The following PTPRG variants were observed in gnomAD, a reference collection of about 807,000 sequenced individuals.
The protein encoded by PTPRG is protein tyrosine phosphatase receptor type G.
In PTPRG, 102 loss-of-function variants were observed where a neutral mutation model predicts 165.3. The observed-to-expected ratio is 0.62, with a 90% confidence interval of 0.53 to 0.73. The LOEUF (loss-of-function observed/expected upper bound fraction) is 0.73. Ranked by LOEUF, PTPRG falls within the 30% of genes least tolerant of loss-of-function variation. PTPRG has a pLI of 0.00. For synonymous variants in PTPRG, 675 were observed against 669.5 expected, an observed-to-expected ratio of 1.01 and a Z score of -0.13; for missense variants, 1,866 against 1,861.4, an observed-to-expected ratio of 1.00 and a Z score of -0.05.
intron 9 of PTPRG, among the ~76,000 whole-genome samples, chr3:62,194,457 G>A (rs1699910295): frequency 6.6e-6 from 1 of 152,126 alleles, no homozygotes; most frequent in Non-Finnish European, 1.5e-5. Flanking sequence ...TTCTAGCCTG[G>A]TGTTCTTCCT....
intron 2 of PTPRG, among the ~76,000 whole-genome samples, chr3:61,784,874 C>T (rs1421744074): frequency 2.0e-5 from 3 of 152,082 alleles, no homozygotes; most frequent in African/African-American, 4.8e-5. Context: ...TCAAGAACAG[C>T]TTAATAGTCT....
chr3:62,127,782 A>G (rs540421163), intron 5 of PTPRG, among the ~76,000 whole-genome samples: 1 of 152,302 alleles, frequency 6.6e-6, no homozygotes, highest in South Asian at 2.1e-4. Flanking sequence ...GGCAGCACAT[A>G]TCTGAACGCA....
chr3:62,129,201 G>T (rs1321336870), intron 5 of PTPRG, among the ~76,000 whole-genome samples: 1 of 152,200 alleles, frequency 6.6e-6, no homozygotes, highest in East Asian at 1.9e-4. Flanking sequence ...ACATGGAGAA[G>T]CTGTAATCAG....
At chr3:61,772,780 G>A (rs1004793567) in intron 2 of PTPRG, among the ~76,000 whole-genome samples, 3 of 152,170 alleles carry the variant, frequency 2.0e-5, no homozygotes, top group Non-Finnish European at 4.4e-5. Flanking sequence ...CCAAAGCACT[G>A]CAGTATCTAT....
chr3:61,827,182 G>A (rs1454459992), intron 2 of PTPRG, among the ~76,000 whole-genome samples: 1 of 152,224 alleles, frequency 6.6e-6, no homozygotes, highest in African/African-American at 2.4e-5. Flanking sequence ...TAAGGGAGAT[G>A]TTGGGCCTAG....
At chr3:61,772,361 A>G (rs2034235722) in intron 2 of PTPRG, among the ~76,000 whole-genome samples, 1 of 152,040 alleles carries the variant, frequency 6.6e-6, no homozygotes, top group South Asian at 2.1e-4. Context: ...AAAATGTGTT[A>G]CAAATCAACC....
At chr3:62,069,530 T>C (rs984878084) in intron 4 of PTPRG, among the ~76,000 whole-genome samples, 2 of 152,090 alleles carry the variant, frequency 1.3e-5, no homozygotes, top group Non-Finnish European at 2.9e-5. Flanking sequence ...GGTTTTATAA[T>C]GTGATACACA....
At chr3:61,867,845 G>C (rs1176012480) in intron 2 of PTPRG, among the ~76,000 whole-genome samples, 1 of 152,164 alleles carries the variant, frequency 6.6e-6, no homozygotes, top group Non-Finnish European at 1.5e-5. Flanking sequence ...GGTGAGGGAA[G>C]CCTAGAGTCT....
chr3:61,997,320 C>T (rs1284407074), intron 3 of PTPRG, among the ~76,000 whole-genome samples: 5 of 152,300 alleles, frequency 3.3e-5, no homozygotes, highest in African/African-American at 1.2e-4. Flanking sequence ...CTGTCTGTCT[C>T]TCCCTCTTTG....
intron 4 of PTPRG, among the ~76,000 whole-genome samples, chr3:62,076,025 C>G (rs1490840694): frequency 6.6e-6 from 1 of 152,110 alleles, no homozygotes; most frequent in Non-Finnish European, 1.5e-5. Context: ...CATGTAATCT[C>G]AACACGTTGG....
intron 6 of PTPRG, among the ~76,000 whole-genome samples, chr3:62,151,832 C>G (rs1704347160): frequency 6.6e-6 from 1 of 152,082 alleles, no homozygotes; most frequent in African/African-American, 2.4e-5. Flanking sequence ...TTAACAAGCA[C>G]TATGCATGCT....
At chr3:62,010,692 C>A (rs1437115364) in intron 4 of PTPRG, among the ~76,000 whole-genome samples, 1 of 152,158 alleles carries the variant, frequency 6.6e-6, no homozygotes, top group Non-Finnish European at 1.5e-5. Context: ...ATAAAGACAT[C>A]TTGGCTTGTT....
intron 1 of PTPRG, among the ~76,000 whole-genome samples, chr3:61,677,920 T>C (rs192696112): frequency 6.6e-6 from 1 of 152,274 alleles, no homozygotes; most frequent in Non-Finnish European, 1.5e-5. Context: ...GTAGCTTGTG[T>C]ACACCCCTTC....
rs773060753 is a variant in PTPRG at position 61,864,415 on chromosome 3, C to A, written c.190+115433C>A. On this transcript the variant is annotated intron_variant, in intron 2 of 29. Coordinates refer to ENST00000474889, the MANE Select transcript of PTPRG (RefSeq NM_002841.4). ...GGGGACAGTGCTTCTCCTTGTGTCC[C>A]GATCGCTGAGTATGGAGAATCCCGG... Among the ~76,000 whole-genome samples, 2 of 152,052 alleles carry A rather than the reference C, an allele frequency of 1.3e-5. 1 individual carries two copies. The highest frequency in any genetic ancestry group is 4.8e-5 in the African/African-American group (2 of 41,392).
chr3:61,990,500 C>T (rs1025389099), intron 3 of PTPRG, among the ~76,000 whole-genome samples: 18 of 152,204 alleles, frequency 1.2e-4, no homozygotes, highest in East Asian at 7.7e-4. Flanking sequence ...ATTGCTAATG[C>T]GAAGAGCTGC....
At chr3:62,197,283 C>G (rs1699988815) in intron 10 of PTPRG, among the ~76,000 whole-genome samples, 1 of 152,060 alleles carries the variant, frequency 6.6e-6, no homozygotes, top group South Asian at 2.1e-4. Context: ...ATGTATAAAT[C>G]CCCCCCTTAG....
chr3:62,094,259 T>C (rs1702036972), intron 5 of PTPRG, among the ~76,000 whole-genome samples: 2 of 152,210 alleles, frequency 1.3e-5, no homozygotes, highest in Non-Finnish European at 2.9e-5. Context: ...TACCCCCTTT[T>C]TCTTCCAAAG....
intron 1 of PTPRG, among the ~76,000 whole-genome samples, chr3:61,701,938 G>A (rs944999392): frequency 6.6e-6 from 1 of 151,836 alleles, no homozygotes; most frequent in South Asian, 2.1e-4. Context: ...GAGGAAGGAG[G>A]AAGGAAGGAA....
At chr3:62,100,965 A>T (rs1369469404) in intron 5 of PTPRG, among the ~76,000 whole-genome samples, 1 of 152,196 alleles carries the variant, frequency 6.6e-6, no homozygotes, top group Non-Finnish European at 1.5e-5. Flanking sequence ...TTAAAGTATA[A>T]TTTGCAATGA....
Sources: gnomAD v4.1 joint callset for allele counts (sites outside exome capture counted in the v4.1 genomes callset) on GRCh38, gnomAD v4.1.1 for gene constraint, MANE v1.5 for transcripts, NCBI Gene and HGNC (gene_info 2026-07-23, HGNC 2026-07-21) for gene names.